Variants in KIF21A observed in about 807,000 individuals in gnomAD.
KIF21A encodes kinesin-like protein KIF21A.
In KIF21A, 114 loss-of-function variants were observed where a neutral mutation model predicts 202.9. The observed-to-expected ratio is 0.56, with a 90% confidence interval of 0.48 to 0.66. KIF21A has a LOEUF of 0.66. KIF21A is among the 30% of genes least tolerant of loss of function. The pLI, the probability that KIF21A is intolerant of heterozygous loss-of-function variation, is 0.00. For missense variants in KIF21A, 1,677 were observed against 1,994.9 expected, an observed-to-expected ratio of 0.84 and a Z score of 3.04; for synonymous variants, 667 against 670.8, an observed-to-expected ratio of 0.99 and a Z score of 0.09.
intron 1 of KIF21A, among the ~76,000 whole-genome samples, chr12:39,425,620 T>C (rs1954682590): frequency 1.3e-5 from 2 of 152,204 alleles, no homozygotes; most frequent in Non-Finnish European, 2.9e-5. Context: ...ATAAACTTAC[T>C]GTCATATAAT....
At chr12:39,408,153 C>T (rs1952760347) in intron 1 of KIF21A, among the ~76,000 whole-genome samples, 1 of 151,820 alleles carries the variant, frequency 6.6e-6, no homozygotes, top group South Asian at 2.1e-4. Flanking sequence ...GCACCAAGGA[C>T]TGGTTTCGTG....
intron 12 of KIF21A, among the ~76,000 whole-genome samples, chr12:39,344,019 G>C (rs1037792352): frequency 7.9e-5 from 12 of 152,260 alleles, no homozygotes; most frequent in African/African-American, 2.6e-4. Context: ...ACAAGTAGGA[G>C]TACCAATACA....
At chr12:39,301,399 C>G in intron 37 of KIF21A, 81 bp downstream of exon 37, 1 of 1,065,622 alleles carries the variant, frequency 9.4e-7, no homozygotes, top group East Asian at 2.4e-5. Flanking sequence ...GTATATTCAA[C>G]GTTTCTAGAT....
chr12:39,396,048 C>G (rs957446138), intron 1 of KIF21A, among the ~76,000 whole-genome samples: 1 of 151,912 alleles, frequency 6.6e-6, no homozygotes, highest in African/African-American at 2.4e-5. Flanking sequence ...TAGGGGGAGG[C>G]ACGAACAATT....
At chr12:39,307,417 T>C (rs1302402069) in intron 34 of KIF21A, 148 bp downstream of exon 34, 3 of 660,112 alleles carry the variant, frequency 4.5e-6, no homozygotes, top group African/African-American at 3.7e-5. Context: ...ACAAGAGACA[T>C]TTAGAGGTAC....
chr12:39,307,587 C>G lies in KIF21A; in HGVS notation c.4420G>C (p.Val1474Leu), dbSNP rs149234238. 1.2e-6 allele frequency: 2 copies of G among 1,614,104 alleles called. No individual in the cohort carries two copies. The highest frequency in any genetic ancestry group is 1.7e-6 in the Non-Finnish European group (2 of 1,179,986). ...TFLYAASGNA[V>L]RMWDLKRFQS... is the part of the protein sequence containing the mutation. ...TACCTTTTAAGATCCCACATCCTGA[C>G]AGCATTTCCAGAAGCAGCATAGAGG... Residue 1474 changes from valine (V) to leucine (L), a missense_variant, in exon 34 of 38, where the codon GTC becomes CTC. This residue lies in a region of KIF21A where 705 missense variants were observed against 791.9 expected (regional missense o/e 0.89). Coordinates refer to ENST00000361418, the MANE Select transcript of KIF21A (RefSeq NM_001173464.2).
rs141530856 is a variant in KIF21A at position 39,367,915 on chromosome 12, C to T, written c.568G>A (p.Val190Ile). 126 of 1,609,414 alleles carry T rather than the reference C, an allele frequency of 7.8e-5. No homozygotes were observed. The highest frequency in any genetic ancestry group is 9.4e-5 in the Non-Finnish European group (110 of 1,176,124). The change falls in exon 4 of 38, where the codon GTT becomes ATT. Residue 190 changes from valine (V) to isoleucine (I), a missense_variant. This residue lies in a region of KIF21A where 966 missense variants were observed against 1,180.9 expected (regional missense o/e 0.82). Transcript: ENST00000361418. ...DSTGGIYTVG[V>I]TTRTVNTESE... ...TCTGTATTCACAGTACGTGTTGTAA[C>T]GCCCACAGTATAAATTCCTCCAGTT...
At chr12:39,327,506 CCT>C (rs2096303323) in intron 24 of KIF21A, among the ~76,000 whole-genome samples, 1 of 152,174 alleles carries the variant, frequency 6.6e-6, no homozygotes, top group Admixed American at 6.5e-5. Flanking sequence ...ACAAACCTAG[CCT>C]CTGTTTTCCA....
intron 35 of KIF21A, among the ~76,000 whole-genome samples, chr12:39,303,483 G>A (rs1211656663): frequency 6.6e-6 from 1 of 151,856 alleles, no homozygotes; most frequent in African/African-American, 2.4e-5. Flanking sequence ...GTTTTGTTTT[G>A]TTATTTGTTG....
intron 1 of KIF21A, among the ~76,000 whole-genome samples, chr12:39,440,347 C>A (rs1292521794): frequency 6.6e-6 from 1 of 152,186 alleles, no homozygotes; most frequent in African/African-American, 2.4e-5. Context: ...TGGGTTGGAA[C>A]CCTGGCTCTC....
intron 1 of KIF21A, among the ~76,000 whole-genome samples, chr12:39,380,920 C>T (rs781633283): frequency 3.3e-5 from 5 of 152,090 alleles, no homozygotes; most frequent in Non-Finnish European, 7.4e-5. Context: ...ATTTTCAAAA[C>T]TCTCCTTCAA....
chr12:39,325,282 C>T (rs1225187457), intron 26 of KIF21A, among the ~76,000 whole-genome samples: 1 of 151,626 alleles, frequency 6.6e-6, no homozygotes, highest in African/African-American at 2.4e-5. Flanking sequence ...ATTGTGTTAT[C>T]TAGTGGGAAA....
chr12:39,307,062 C>T (rs1301753605), intron 34 of KIF21A, among the ~76,000 whole-genome samples: 1 of 152,038 alleles, frequency 6.6e-6, no homozygotes, highest in Non-Finnish European at 1.5e-5. Flanking sequence ...TTTAATTTAT[C>T]ATTTTTTTCT....
chr12:39,311,086 C>A (rs746054600), intron 32 of KIF21A, among the ~76,000 whole-genome samples: 3 of 151,984 alleles, frequency 2.0e-5, no homozygotes, highest in Non-Finnish European at 4.4e-5. Flanking sequence ...TGCTATGCAT[C>A]TTATTCTCTT....
intron 32 of KIF21A, 53 bp downstream of exon 32, chr12:39,311,364 A>T (rs968749453): frequency 6.7e-6 from 10 of 1,485,542 alleles, no homozygotes; most frequent in Middle Eastern, 2.3e-4. Flanking sequence ...TAAAAATGTA[A>T]TTTTTTTTAA....
In KIF21A at chr12:39,330,650, T is replaced by C. The variant is rs112732519; in HGVS notation, c.3319+96A>G. On this transcript the variant is annotated intron_variant, in intron 23 of 37. Transcript: ENST00000361418. ...AAAGCATGAGTAAATATAGCATCTA[T>C]TCAGTCAAGCCATAGGGGAAAGGGA... 632 of 1,008,752 alleles carry C rather than the reference T, an allele frequency of 6.3e-4. 4 individuals carry two copies. The African/African-American group carries it at 8.8e-3, about 14-fold the overall frequency. The allele number at this position is 1,008,752 out of a possible 1,614,324, so 62.5% of individuals were successfully genotyped here.
chr12:39,331,699 G>T lies in KIF21A; in HGVS notation c.3144C>A (p.Gly1048=). The T allele has an allele frequency of 6.2e-7, 1 of 1,607,232 alleles. No individual in the cohort carries two copies. Among genetic ancestry groups the T allele is most frequent in the Non-Finnish European group, 8.5e-7 (1 of 1,173,796 alleles). Residue 1048 remains glycine (G), a synonymous_variant, in exon 22 of 38, where the codon GGC becomes GGA. Transcript: ENST00000361418. ...TGTGGTTGTATCTTACCTTATTGAT[G>T]CCCATTGACAGGAAGTGATCTAGCA... ...RYLLDHFLSM[G]INKGLQAAQK...
At chr12:39,332,867 A>T in intron 19 of KIF21A, 26 bp downstream of exon 19, 1 of 1,611,782 alleles carries the variant, frequency 6.2e-7, no homozygotes, top group Non-Finnish European at 8.5e-7. Context: ...AGAAGATTAC[A>T]TCAGCAGGAA....
intron 37 of KIF21A, among the ~76,000 whole-genome samples, chr12:39,295,719 T>G (rs1025428043): frequency 7.6e-6 from 1 of 131,206 alleles, no homozygotes; most frequent in African/African-American, 3.5e-5. Flanking sequence ...TTTTTTTTTT[T>G]GACAGAATCT....
Sources: allele counts gnomAD v4.1 joint callset (sites outside exome capture counted in the v4.1 genomes callset), GRCh38; gene constraint gnomAD v4.1.1; regional missense constraint gnomAD v4.1.1; transcripts MANE v1.5; gene names NCBI Gene and HGNC (gene_info 2026-07-23, HGNC 2026-07-21).